Variants in VPS53 observed in about 807,000 individuals in gnomAD.
VPS53 encodes the protein vacuolar protein sorting-associated protein 53 homolog.
Under a neutral mutation model 107.0 loss-of-function variants are expected in VPS53, and 70 were observed. The ratio of observed to expected loss-of-function variants is 0.65; its 90% CI spans 0.54 to 0.80. The LOEUF (loss-of-function observed/expected upper bound fraction) is 0.80, where lower values mean the gene tolerates loss of function less well. Among genes scored for constraint, VPS53 ranks in the 30% least tolerant of loss-of-function variants. The pLI is 0.00. For missense variants in VPS53, 917 were observed against 1,049.4 expected (o/e 0.87, Z 1.74); for synonymous variants, 409 against 393.3 (o/e 1.04, Z -0.47).
intron 19 of VPS53, 28 bp from the exon 20 acceptor site, chr17:521,766 G>A (rs1033583521): frequency 2.2e-5 from 33 of 1,482,978 alleles, no homozygotes; most frequent in African/African-American, 2.8e-5. Flanking sequence ...GAGCATTACC[G>A]GCCCCTTCCA....
At chr17:622,364 G>C (rs1352381289) in intron 11 of VPS53, among the ~76,000 whole-genome samples, 3 of 150,438 alleles carry the variant, frequency 2.0e-5, no homozygotes, top group African/African-American at 7.3e-5. Context: ...AAATCACTTT[G>C]CTTCTCTATT....
At chr17:709,236 C>T (rs369769585) in intron 2 of VPS53, among the ~76,000 whole-genome samples, 3 of 152,106 alleles carry the variant, frequency 2.0e-5, no homozygotes, top group East Asian at 1.9e-4. Context: ...CGCTCTGTCA[C>T]GGAACCTGCC....
chr17:541,576 C>A (rs975867132), intron 17 of VPS53, among the ~76,000 whole-genome samples: 60 of 150,112 alleles, frequency 4.0e-4, no homozygotes, highest in African/African-American at 1.5e-3. Context: ...TTATCAAGCA[C>A]CTACCACGCA....
chr17:586,110 T>C (rs940272896), intron 13 of VPS53, among the ~76,000 whole-genome samples, 160 bp downstream of exon 13: 6 of 152,020 alleles, frequency 3.9e-5, no homozygotes, highest in African/African-American at 1.5e-4. Flanking sequence ...AATGATAACA[T>C]TCAAAAGATG....
intron 7 of VPS53, among the ~76,000 whole-genome samples, chr17:643,548 GAGGACAACACTCATACTTGGAAAC>G (rs1360240324): frequency 8.6e-5 from 12 of 139,864 alleles, no homozygotes; most frequent in African/African-American, 2.5e-4. Context: ...CTTGGAAACC[GAGGACAACACTCATACTTGGAAAC>G]CGAGGACAAC....
chr17:569,897 C>G (rs1348285856), intron 13 of VPS53, among the ~76,000 whole-genome samples: 2 of 145,132 alleles, frequency 1.4e-5, no homozygotes, highest in Non-Finnish European at 3.0e-5. Context: ...GAGCAAGACT[C>G]TGCCTCAAAA....
At chr17:555,559 T>C (rs1161995081) in intron 15 of VPS53, among the ~76,000 whole-genome samples, 2 of 152,130 alleles carry the variant, frequency 1.3e-5, no homozygotes, top group East Asian at 1.9e-4. Context: ...GGTCTCGAAC[T>C]CCTGACCTCA....
At chr17:597,975 C>CACGGTCTCCCTCTCCCA (rs1968064121) in intron 12 of VPS53, among the ~76,000 whole-genome samples, 8 of 151,030 alleles carry the variant, frequency 5.3e-5, no homozygotes, top group Non-Finnish European at 7.4e-5. Context: ...TCCCTCTCCC[C>CACGGTCTCCCTCTCCCA]ACGGTCTCCC....
intron 4 of VPS53, among the ~76,000 whole-genome samples, chr17:692,830 G>A (rs1972823247): frequency 1.3e-5 from 2 of 151,948 alleles, no homozygotes; most frequent in South Asian, 4.2e-4. Flanking sequence ...GTGAAACCCT[G>A]TCTCTACTAA....
chr17:540,090 A>G (rs567014086), intron 17 of VPS53, among the ~76,000 whole-genome samples: 1 of 56,864 alleles, frequency 1.8e-5, no homozygotes, highest in South Asian at 5.4e-4. Context: ...ACCCTGCCCA[A>G]AAAAAGAATA....
intron 11 of VPS53, among the ~76,000 whole-genome samples, chr17:608,037 A>G (rs926977522): frequency 1.3e-5 from 2 of 152,140 alleles, no homozygotes; most frequent in Admixed American, 6.5e-5. Context: ...TGTGAGATGA[A>G]AGTTCCTCAG....
intron 3 of VPS53, 121 bp downstream of exon 3, chr17:699,210 T>C: frequency 1.5e-6 from 1 of 650,580 alleles, no homozygotes; most frequent in Non-Finnish European, 2.3e-6. Context: ...GGAATTATAT[T>C]ACCATCTATG....
chr17:540,854 A>T (rs554601947), intron 17 of VPS53, among the ~76,000 whole-genome samples: 1 of 152,174 alleles, frequency 6.6e-6, no homozygotes. Context: ...CTGGGCAGGA[A>T]GTATGTGCTC....
intron 3 of VPS53, among the ~76,000 whole-genome samples, chr17:698,613 G>A (rs1449430452): frequency 6.6e-6 from 1 of 151,774 alleles, no homozygotes; most frequent in Non-Finnish European, 1.5e-5. Flanking sequence ...TGAGGTGGGA[G>A]GATCACTTGA....
At chr17:706,362 C>A (rs1973397918) in intron 2 of VPS53, among the ~76,000 whole-genome samples, 1 of 151,940 alleles carries the variant, frequency 6.6e-6, no homozygotes, top group South Asian at 2.1e-4. Flanking sequence ...CATGGTGAAA[C>A]CCCGTCTCTA....
At position 714,824 on chromosome 17, in the gene VPS53, C is replaced by T. The variant is rs1026846803; in HGVS notation, c.-115G>A. 1.7e-6 allele frequency: 2 copies of T among 1,174,240 alleles called. No homozygotes were observed. The highest frequency in any genetic ancestry group is 1.5e-5 in the African/African-American group (1 of 66,032). The allele number at this position is 1,174,240 out of a possible 1,614,324, so 72.7% of individuals were successfully genotyped here. A position where few individuals can be genotyped will look rare whatever the true frequency, so the allele number is the denominator to read the frequency against. On this transcript the variant is annotated 5_prime_UTR_variant, in exon 1 of 22. Coordinates refer to ENST00000437048, the MANE Select transcript of VPS53 (RefSeq NM_001128159.3). ...GGCAGCGACCTGGTGAGCCCGGCTC[C>T]GTCAGCCGCTCTGTCAGCCGCTCCG... is the stretch of plus-strand genomic sequence containing the variant.
Position 520,155 on chromosome 17 carries a change from T to C in VPS53, c.2224-225A>G, listed in dbSNP as rs1286214338. Among the ~76,000 whole-genome samples the C allele has an allele frequency of 1.3e-5, 2 of 152,162 alleles. No individual in the cohort carries two copies. Among genetic ancestry groups the C allele is most frequent in the African/African-American group, 4.8e-5 (2 of 41,442 alleles). Reference sequence around the variant, plus strand: ...AGAAACGCCCCAGTGGCCCATCTCATCTTCACATGCCACTACAGCAATGTC... The same window carrying C: ...AGAAACGCCCCAGTGGCCCATCTCACCTTCACATGCCACTACAGCAATGTC... On this transcript the variant is annotated intron_variant, in intron 20 of 21. Coordinates refer to ENST00000437048, the MANE Select transcript of VPS53 (RefSeq NM_001128159.3). The surrounding 1 kb of genome is among the most constrained non-coding windows in gnomAD (Gnocchi z 4.4).
intron 6 of VPS53, among the ~76,000 whole-genome samples, chr17:654,562 C>T (rs964562426): frequency 2.0e-5 from 3 of 151,786 alleles, no homozygotes; most frequent in Non-Finnish European, 4.4e-5. Context: ...CACGGCGAAA[C>T]CCCGTCTCTA....
intron 11 of VPS53, among the ~76,000 whole-genome samples, chr17:604,619 T>C (rs918656558): frequency 3.9e-5 from 6 of 152,162 alleles, no homozygotes; most frequent in Admixed American, 2.6e-4. Flanking sequence ...AATTTTTGTA[T>C]TTTTTGTAGA....
Sources: allele counts gnomAD v4.1 joint callset (sites outside exome capture counted in the v4.1 genomes callset), GRCh38; gene constraint gnomAD v4.1.1; non-coding constraint Gnocchi (gnomAD v3.1); transcripts MANE v1.5; gene names NCBI Gene and HGNC (gene_info 2026-07-23, HGNC 2026-07-21).